The following ATXN8OS variants were observed in gnomAD, a reference collection of about 807,000 sequenced individuals.
The protein encoded by ATXN8OS is ATXN8 opposite strand (non-protein coding).
chr13:70,166,521 G>C (rs1202972185), intron 4 of ATXN8OS, among the ~76,000 whole-genome samples: 1 of 151,816 alleles, frequency 6.6e-6, no homozygotes, highest in Admixed American at 6.6e-5. Context: ...AATTCAAGAT[G>C]GATTAAAGAC....
chr13:70,168,108 TC>T (rs1322895744), intron 4 of ATXN8OS, among the ~76,000 whole-genome samples: 1 of 152,046 alleles, frequency 6.6e-6, no homozygotes, highest in Non-Finnish European at 1.5e-5. Flanking sequence ...CTTTTTTTGT[TC>T]TTTGCTGGGA....
chr13:70,151,784 A>G (rs973413641), intron 4 of ATXN8OS, among the ~76,000 whole-genome samples: 15 of 152,138 alleles, frequency 9.9e-5, no homozygotes, highest in African/African-American at 3.1e-4. Context: ...GTCATCCGTA[A>G]TAACTCCAGT....
chr13:70,145,147 G>T (rs71429634), intron 3 of ATXN8OS, among the ~76,000 whole-genome samples: 30,715 of 152,006 alleles, frequency 0.2, 3,474 homozygotes, highest in South Asian at 0.38. Context: ...GTTTGTCAAA[G>T]ATCAGATGGT....
At chr13:70,171,249 A>G (rs368698118) in exon 5 of ATXN8OS, among the ~76,000 whole-genome samples, 1 of 152,162 alleles carries the variant, frequency 6.6e-6, no homozygotes, top group Non-Finnish European at 1.5e-5. Flanking sequence ...TGGAAGCCAG[A>G]TGGGCACAAG....
intron 3 of ATXN8OS, among the ~76,000 whole-genome samples, chr13:70,130,344 T>A (rs563178489): frequency 6.6e-6 from 1 of 152,278 alleles, no homozygotes; most frequent in African/African-American, 2.4e-5. Context: ...AATGTGTATA[T>A]ATGGAAAAAT....
chr13:70,169,712 A>G lies in ATXN8OS; in HGVS notation n.574-41A>G, dbSNP rs185035857. Among the ~76,000 whole-genome samples, 7 of 152,218 alleles carry G rather than the reference A, an allele frequency of 4.6e-5. No homozygotes were observed. The East Asian group carries it at 9.6e-4, about 21-fold the overall frequency. ...AATAAAGATATCATCTGTTGAATGCATACTCCTGTGGCTCTCACTAAAACT... is the reference window on the plus strand; with the variant it reads ...AATAAAGATATCATCTGTTGAATGCGTACTCCTGTGGCTCTCACTAAAACT... On this transcript the variant is annotated intron_variant and non_coding_transcript_variant, in intron 4 of 4. Transcript: ENST00000678624.
chr13:70,118,835 C>G (rs1888318807), intron 2 of ATXN8OS, among the ~76,000 whole-genome samples: 1 of 144,982 alleles, frequency 6.9e-6, no homozygotes, highest in African/African-American at 2.5e-5. Flanking sequence ...CAGATATATA[C>G]TTTTTTTTTT....
At chr13:70,131,144 A>G (rs1888527766) in intron 3 of ATXN8OS, 1 of 398,532 alleles carries the variant, frequency 2.5e-6, no homozygotes, top group Non-Finnish European at 4.4e-6. Context: ...CACACATACC[A>G]TAAGCAGGAA....
At chr13:70,155,873 T>G (rs957977759) in intron 4 of ATXN8OS, among the ~76,000 whole-genome samples, 7 of 151,996 alleles carry the variant, frequency 4.6e-5, no homozygotes, top group African/African-American at 1.7e-4. Context: ...AAAAAAAGTA[T>G]GTTTTATTTC....
At chr13:70,150,815 A>G (rs543306049) in intron 4 of ATXN8OS, among the ~76,000 whole-genome samples, 5 of 152,294 alleles carry the variant, frequency 3.3e-5, no homozygotes, top group Admixed American at 6.5e-5. Flanking sequence ...GTGCAAAGCC[A>G]TGCTTCACTA....
At chr13:70,118,466 G>GA (rs915887143) in intron 2 of ATXN8OS, among the ~76,000 whole-genome samples, 1 of 151,638 alleles carries the variant, frequency 6.6e-6, no homozygotes, top group African/African-American at 2.4e-5. Context: ...ATTTTTTGTA[G>GA]AAAAAAAATT....
chr13:70,108,105 C>G, intron 1 of ATXN8OS: 1 of 410,742 alleles, frequency 2.4e-6, no homozygotes, highest in Non-Finnish European at 4.3e-6. Flanking sequence ...CTGGATACAC[C>G]TCACTGGGAT....
chr13:70,138,412 C>T lies in ATXN8OS; in HGVS notation n.499+8528C>T, dbSNP rs544061125. ...TTTATCAAATTTGTTAATTTTATTT[C>T]ATTTAAAGCTGAAAATTTTAAAATG... On this transcript the variant is annotated intron_variant and non_coding_transcript_variant, in intron 3 of 4. Coordinates refer to ENST00000678624, the Ensembl canonical transcript of ATXN8OS. Among the ~76,000 whole-genome samples, 12 of 151,296 alleles carry T rather than the reference C, an allele frequency of 7.9e-5. No homozygotes were observed. In the South Asian group the frequency reaches 2.3e-3, roughly 29 times the overall value.
At chr13:70,122,849 T>C (rs899990414) in intron 2 of ATXN8OS, among the ~76,000 whole-genome samples, 1 of 152,010 alleles carries the variant, frequency 6.6e-6, no homozygotes, top group Non-Finnish European at 1.5e-5. Context: ...CTGAAAATGA[T>C]ACAGATAGAT....
At chr13:70,120,829 C>A (rs1290130203) in intron 2 of ATXN8OS, among the ~76,000 whole-genome samples, 2 of 151,178 alleles carry the variant, frequency 1.3e-5, no homozygotes, top group East Asian at 2.0e-4. Context: ...GGACAAAAAA[C>A]CAAACATCAC....
intron 4 of ATXN8OS, among the ~76,000 whole-genome samples, chr13:70,151,122 G>GT (rs1566613811): frequency 6.6e-6 from 1 of 151,990 alleles, no homozygotes. Flanking sequence ...GCTTGGGCTT[G>GT]TTTTTTGCTT....
chr13:70,164,782 C>T (rs1450834687), intron 4 of ATXN8OS, among the ~76,000 whole-genome samples: 1 of 152,028 alleles, frequency 6.6e-6, no homozygotes, highest in Non-Finnish European at 1.5e-5. Flanking sequence ...TATCCATCTT[C>T]TGGCCTTACC....
intron 4 of ATXN8OS, among the ~76,000 whole-genome samples, chr13:70,167,510 T>G (rs888118802): frequency 6.6e-6 from 1 of 151,706 alleles, no homozygotes; most frequent in Non-Finnish European, 1.5e-5. Context: ...GGGACTGTTG[T>G]GGTGTGGGGG....
intron 4 of ATXN8OS, among the ~76,000 whole-genome samples, chr13:70,154,351 C>T (rs1004806080): frequency 6.6e-6 from 1 of 152,100 alleles, no homozygotes; most frequent in African/African-American, 2.4e-5. Flanking sequence ...TCCATCTTAC[C>T]TCAGGTCATA....
Sources: allele counts gnomAD v4.1 joint callset (sites outside exome capture counted in the v4.1 genomes callset), GRCh38; gene constraint gnomAD v4.1.1; transcripts MANE v1.5; gene names NCBI Gene and HGNC (gene_info 2026-07-23, HGNC 2026-07-21).